The following FAS variants were observed in gnomAD, a reference collection of about 807,000 sequenced individuals.
FAS encodes the protein Fas cell surface death receptor, also known as tumor necrosis factor receptor superfamily member 6.
Under a neutral mutation model 33.2 loss-of-function variants are expected in FAS, and 5 were observed. That is an observed-to-expected ratio of 0.15 (90% confidence interval 0.08 to 0.32). The LOEUF (loss-of-function observed/expected upper bound fraction) is 0.32, where lower values mean the gene tolerates loss of function less well. Ranked by LOEUF, FAS falls within the 10% of genes least tolerant of loss-of-function variation. The pLI is 1.00. For missense variants in FAS, 339 were observed against 386.0 expected (o/e 0.88, Z 1.02); for synonymous variants, 131 against 130.7 (o/e 1.00, Z -0.01).
At chr10:88,983,584 G>A (rs7910825), upstream of FAS, among the ~76,000 whole-genome samples, 72,892 of 127,356 alleles carry the variant, frequency 0.57, 21,461 homozygotes, top group African/African-American at 0.78. Flanking sequence ...GGAGTTGTAA[G>A]GTTTAGATAA....
intron 1 of FAS, among the ~76,000 whole-genome samples, chr10:88,965,424 A>T (rs1846301892): frequency 6.6e-6 from 1 of 152,214 alleles, no homozygotes; most frequent in Middle Eastern, 3.2e-3. Flanking sequence ...AAGAACAGAT[A>T]AGATGCATAA....
intron 2 of FAS, among the ~76,000 whole-genome samples, chr10:89,004,097 T>TG (rs1848085644): frequency 6.6e-6 from 1 of 152,236 alleles, no homozygotes; most frequent in Admixed American, 6.5e-5. Context: ...GAATAAAGAA[T>TG]GGCGTCCTGG....
intron 1 of FAS, among the ~76,000 whole-genome samples, chr10:88,998,271 A>C (rs950867118): frequency 1.3e-5 from 2 of 151,806 alleles, no homozygotes; most frequent in African/African-American, 4.8e-5. Flanking sequence ...ATGTGTGTCC[A>C]AATTTCCTCT....
intron 1 of FAS, among the ~76,000 whole-genome samples, chr10:88,969,301 T>A (rs1204248230): frequency 6.6e-6 from 1 of 152,110 alleles, no homozygotes; most frequent in Non-Finnish European, 1.5e-5. Flanking sequence ...CAATTTTCCA[T>A]CAAAAAAAAA....
intron 3 of FAS, among the ~76,000 whole-genome samples, chr10:89,008,668 G>A (rs1036770241): frequency 5.3e-5 from 8 of 152,194 alleles, no homozygotes; most frequent in Non-Finnish European, 1.0e-4. Flanking sequence ...AGACGTCTAA[G>A]TATTGGTGAG....
intron 1 of FAS, among the ~76,000 whole-genome samples, chr10:89,001,323 T>C (rs536953145): frequency 2.6e-5 from 4 of 151,108 alleles, no homozygotes; most frequent in African/African-American, 9.7e-5. Context: ...TGAACTTCAA[T>C]AAAAACAGGG....
rs1337250842 is a variant in FAS, at chr10:89,014,206, A to G, written c.764A>G (p.Asn255Ser). 2.5e-6 allele frequency: 4 copies of G among 1,613,846 alleles called. No individual in the cohort carries two copies. Among genetic ancestry groups the G allele is most frequent in the Non-Finnish European group, 2.5e-6 (3 of 1,179,934 alleles). ...GGCTTTGTTCGAAAGAATGGTGTCA[A>G]TGAAGCCAAAATAGATGAGATCAAG... ...VKGFVRKNGVNEAKIDEIKND... is the reference protein window; with the variant it reads ...VKGFVRKNGVSEAKIDEIKND... The change falls in exon 9 of 9, where the codon AAT becomes AGT. Residue 255 changes from asparagine to serine, a missense_variant. Physicochemically the swap from Asn to Ser is conservative, Grantham distance 46. Coordinates refer to ENST00000652046, the MANE Select transcript of FAS (RefSeq NM_000043.6).
chr10:88,993,792 T>C (rs1589446808), intron 1 of FAS, among the ~76,000 whole-genome samples: 1 of 151,838 alleles, frequency 6.6e-6, no homozygotes. Flanking sequence ...CTAACGAACA[T>C]ATTGGGCTGT....
chr10:88,966,355 T>C (rs1037337038), intron 1 of FAS, among the ~76,000 whole-genome samples: 1 of 152,180 alleles, frequency 6.6e-6, no homozygotes, highest in African/African-American at 2.4e-5. Flanking sequence ...ACTGTGGGCC[T>C]GCATTCTATT....
At chr10:88,997,800 G>A (rs1163611243) in intron 1 of FAS, among the ~76,000 whole-genome samples, 3 of 152,158 alleles carry the variant, frequency 2.0e-5, no homozygotes, top group Non-Finnish European at 4.4e-5. Flanking sequence ...GAATTAGTCG[G>A]TGGAACTTCA....
At chr10:88,979,730 A>G (rs936957423) in intron 2 of FAS, among the ~76,000 whole-genome samples, 2 of 152,210 alleles carry the variant, frequency 1.3e-5, no homozygotes, top group African/African-American at 4.8e-5. Flanking sequence ...TCGATCAGAA[A>G]AGGTTACATG....
At position 89,003,148 on chromosome 10, in the gene FAS, A is replaced by AGGCCTGCATCATGAT. The variant is rs775703333; in HGVS notation, c.155_169dup (p.Leu52_Gly56dup). 2 of 1,614,066 alleles carry AGGCCTGCATCATGAT rather than the reference A, an allele frequency of 1.2e-6. No individual in the cohort carries two copies. The highest frequency in any genetic ancestry group is 1.7e-6 in the Non-Finnish European group (2 of 1,180,018). Reference sequence around the variant, plus strand: ...CTACAGTTGAGACTCAGAACTTGGAAGGCCTGCATCATGATGGCCAATTCT... The same window carrying AGGCCTGCATCATGAT: ...CTACAGTTGAGACTCAGAACTTGGAAGGCCTGCATCATGATGGCCTGCATCATGATGGCCAATTCT... On this transcript the variant is annotated inframe_insertion, in exon 2 of 9. Transcript: ENST00000652046.
chr10:88,983,638 AACACACAC>A (rs755182708), upstream of FAS, among the ~76,000 whole-genome samples: 11 of 102,882 alleles, frequency 1.1e-4, no homozygotes, highest in South Asian at 9.3e-4. Flanking sequence ...AAAAAAAAAA[AACACACAC>A]ACACACACAC....
chr10:88,992,745 A>G (rs1237979317), intron 1 of FAS, among the ~76,000 whole-genome samples: 1 of 152,142 alleles, frequency 6.6e-6, no homozygotes, highest in Non-Finnish European at 1.5e-5. Context: ...TACGTTTTGC[A>G]GTTTATCTTC....
chr10:88,966,862 A>G (rs556966803), intron 1 of FAS, among the ~76,000 whole-genome samples: 1 of 152,348 alleles, frequency 6.6e-6, no homozygotes, highest in South Asian at 2.1e-4. Flanking sequence ...ATTAGGTGTC[A>G]GGTGGTGTTT....
intron 8 of FAS, among the ~76,000 whole-genome samples, chr10:89,013,576 A>C (rs1848638023): frequency 1.3e-5 from 2 of 152,212 alleles, no homozygotes; most frequent in South Asian, 4.1e-4. Context: ...TCAAGTAACA[A>C]TAAGACACAA....
upstream of FAS, chr10:88,989,488 A>G (rs1847038407): frequency 1.8e-6 from 1 of 543,866 alleles, no homozygotes; most frequent in African/African-American, 1.9e-5. Context: ...GTGTGTGCAC[A>G]AGGCTGGCAC....
In FAS at chr10:89,004,573, C is replaced by G. The variant is rs1251420585; in HGVS notation, c.196+1379C>G. Among the ~76,000 whole-genome samples the G allele has an allele frequency of 1.1e-4, 16 of 146,276 alleles. No individual in the cohort carries two copies. The Admixed American group carries it at 1.1e-3, about 10-fold the overall frequency. ...TAGCAATTAATTTATACGAAAATAC[C>G]CTGAGAAAATAATCAAAAATAAAGG... On this transcript the variant is annotated intron_variant, in intron 2 of 8. Transcript: ENST00000652046.
chr10:89,000,540 C>A (rs527949679), intron 1 of FAS, among the ~76,000 whole-genome samples: 9 of 152,308 alleles, frequency 5.9e-5, no homozygotes, highest in Admixed American at 2.6e-4. Context: ...ATTAAAATTT[C>A]TGTGTGTTAA....
Sources: gnomAD v4.1 joint callset for allele counts (sites outside exome capture counted in the v4.1 genomes callset) on GRCh38, gnomAD v4.1.1 for gene constraint, MANE v1.5 for transcripts, NCBI Gene and HGNC (gene_info 2026-07-23, HGNC 2026-07-21) for gene names.